The following SH3KBP1 variants were observed in gnomAD, a reference collection of about 807,000 sequenced individuals.
SH3KBP1 encodes SH3 domain-containing kinase-binding protein 1.
In SH3KBP1, 8 loss-of-function variants were observed where a neutral mutation model predicts 50.1. That is an observed-to-expected ratio of 0.16 (90% CI 0.09 to 0.29). SH3KBP1 has a LOEUF of 0.29. Among genes scored for constraint, SH3KBP1 ranks in the 10% least tolerant of loss-of-function variants. SH3KBP1 has a pLI of 1.00. For missense variants in SH3KBP1, 377 were observed against 535.2 expected (o/e 0.70, Z 2.92); for synonymous variants, 227 against 218.6 (o/e 1.04, Z -0.34).
intron 8 of SH3KBP1, among the ~76,000 whole-genome samples, chrX:19,626,894 G>T (rs369630743): frequency 3.6e-5 from 4 of 111,409 alleles, no homozygotes; most frequent in African/African-American, 1.3e-4. Context: ...TCTAGGGTGT[G>T]TCTATCAGTT....
At chrX:19,691,686 G>C (rs1035236583) in intron 5 of SH3KBP1, among the ~76,000 whole-genome samples, 2 of 110,816 alleles carry the variant, frequency 1.8e-5, no homozygotes, top group South Asian at 3.8e-4. Context: ...TGCAACGTAT[G>C]TACTTTATTT....
intron 7 of SH3KBP1, among the ~76,000 whole-genome samples, chrX:19,633,236 A>G (rs1426679210): frequency 9.0e-6 from 1 of 111,577 alleles, no homozygotes; most frequent in Non-Finnish European, 1.9e-5. Flanking sequence ...TTTTGTGCAG[A>G]TGTTTTCATA....
chrX:19,671,237 GC>G (rs1427878332), intron 6 of SH3KBP1, among the ~76,000 whole-genome samples: 1 of 111,700 alleles, frequency 9.0e-6, no homozygotes, highest in African/African-American at 3.3e-5. Context: ...GAAATAAAAA[GC>G]CCACTATCTT....
chrX:19,838,882 GTC>G (rs2068134054), intron 1 of SH3KBP1, among the ~76,000 whole-genome samples: 1 of 66,312 alleles, frequency 1.5e-5, no homozygotes. Context: ...GCGAAACTTT[GTC>G]TCAAAAAAAA....
chrX:19,860,280 TAAAAAAAAA>T (rs35933756), intron 1 of SH3KBP1, among the ~76,000 whole-genome samples: 27 of 41,355 alleles, frequency 6.5e-4, no homozygotes, highest in African/African-American at 2.3e-3. Flanking sequence ...ATCCCACCTC[TAAAAAAAAA>T]AAAAAAAAAA....
intron 2 of SH3KBP1, among the ~76,000 whole-genome samples, chrX:19,808,533 C>T (rs1199326780): frequency 1.8e-5 from 2 of 110,845 alleles, no homozygotes; most frequent in East Asian, 2.8e-4. Context: ...TGAATTTTCC[C>T]TCACCCTCCC....
At chrX:19,747,401 G>A (rs1603184469) in intron 2 of SH3KBP1, among the ~76,000 whole-genome samples, 1 of 111,644 alleles carries the variant, frequency 9.0e-6, no homozygotes, top group African/African-American at 3.3e-5. Context: ...GTAACTTGGG[G>A]AAAAGTGAAA....
At chrX:19,827,492 C>A (rs1174211679) in intron 2 of SH3KBP1, among the ~76,000 whole-genome samples, 1 of 111,928 alleles carries the variant, frequency 8.9e-6, no homozygotes, top group Non-Finnish European at 1.9e-5. Context: ...CAGACACATG[C>A]ACATCAGCCC....
At chrX:19,639,652 G>A (rs1287887346) in intron 7 of SH3KBP1, among the ~76,000 whole-genome samples, 1 of 111,295 alleles carries the variant, frequency 9.0e-6, no homozygotes, top group African/African-American at 3.3e-5. Flanking sequence ...GATGAAAGGT[G>A]CTTCTTAGGA....
intron 9 of SH3KBP1, among the ~76,000 whole-genome samples, chrX:19,596,499 T>C (rs1273529637): frequency 8.9e-6 from 1 of 112,012 alleles, no homozygotes; most frequent in African/African-American, 3.2e-5. Flanking sequence ...TTGGGGTGAC[T>C]GTAGCAATTC....
chrX:19,637,313 T>C (rs1262805250), intron 7 of SH3KBP1, among the ~76,000 whole-genome samples: 1 of 112,290 alleles, frequency 8.9e-6, no homozygotes, highest in East Asian at 2.8e-4. Flanking sequence ...GCTTTTTGTA[T>C]TTTAGAATGG....
intron 5 of SH3KBP1, among the ~76,000 whole-genome samples, chrX:19,686,073 G>T (rs1315367364): frequency 9.0e-6 from 1 of 111,419 alleles, no homozygotes; most frequent in Non-Finnish European, 1.9e-5. Context: ...ATCACCGTGA[G>T]AAATACTCTA....
At chrX:19,642,397 T>C (rs1193977433) in intron 7 of SH3KBP1, among the ~76,000 whole-genome samples, 2 of 111,471 alleles carry the variant, frequency 1.8e-5, no homozygotes, top group Non-Finnish European at 3.8e-5. Flanking sequence ...AACAAAGGGA[T>C]TGCAAAGGCG....
intron 3 of SH3KBP1, among the ~76,000 whole-genome samples, chrX:19,719,849 C>CTAATAATAA (rs59706273): frequency 1.2e-3 from 123 of 100,577 alleles, no homozygotes; most frequent in African/African-American, 3.4e-3. Flanking sequence ...CCACCTCTAA[C>CTAATAATAA]TAATAATAAT....
At chrX:19,826,324 T>C (rs760116223) in intron 2 of SH3KBP1, among the ~76,000 whole-genome samples, 43 of 111,408 alleles carry the variant, frequency 3.9e-4, no homozygotes, top group African/African-American at 1.4e-3. Context: ...ACACAGCAGA[T>C]GCCCACATGC....
intron 2 of SH3KBP1, among the ~76,000 whole-genome samples, chrX:19,763,765 T>C (rs2065502883): frequency 9.0e-6 from 1 of 111,285 alleles, no homozygotes; most frequent in Non-Finnish European, 1.9e-5. Flanking sequence ...CTCATGCCTG[T>C]AATCCCAGCA....
chrX:19,803,242 G>GTTTC (rs1485368867), intron 2 of SH3KBP1, among the ~76,000 whole-genome samples: 3 of 111,604 alleles, frequency 2.7e-5, no homozygotes, highest in Non-Finnish European at 5.6e-5. Flanking sequence ...TGATTGTGAG[G>GTTTC]TTTCCCTTAT....
intron 4 of SH3KBP1, among the ~76,000 whole-genome samples, chrX:19,696,216 C>A (rs1349135988): frequency 8.9e-6 from 1 of 111,825 alleles, no homozygotes; most frequent in Non-Finnish European, 1.9e-5. Flanking sequence ...AATAAGGATA[C>A]CCATAGATTA....
intron 2 of SH3KBP1, among the ~76,000 whole-genome samples, chrX:19,803,952 C>T (rs2066958418): frequency 9.0e-6 from 1 of 111,301 alleles, no homozygotes; most frequent in East Asian, 2.8e-4. Context: ...GCAGGCGGAT[C>T]ACGAGGTCAG....
Sources: allele counts gnomAD v4.1 joint callset (sites outside exome capture counted in the v4.1 genomes callset), GRCh38; gene constraint gnomAD v4.1.1; transcripts MANE v1.5; gene names NCBI Gene and HGNC (gene_info 2026-07-23, HGNC 2026-07-21).